PAFAH1B2: variants seen among roughly 807,000 people sequenced by gnomAD.
PAFAH1B2 encodes platelet activating factor acetylhydrolase 1b catalytic subunit 2.
In PAFAH1B2, 8 loss-of-function variants were observed where a neutral mutation model predicts 28.0. The ratio of observed to expected loss-of-function variants is 0.29; its 90% CI spans 0.17 to 0.52. The LOEUF is 0.52. PAFAH1B2 is among the 20% of genes least tolerant of loss of function. The pLI is 0.97. For missense variants in PAFAH1B2, 190 were observed against 282.6 expected, an observed-to-expected ratio of 0.67 and a Z score of 2.35; for synonymous variants, 104 against 103.2, an observed-to-expected ratio of 1.01 and a Z score of -0.05.
intron 4 of PAFAH1B2, among the ~76,000 whole-genome samples, chr11:117,161,956 T>G (rs2134200976): frequency 6.6e-6 from 1 of 152,256 alleles, no homozygotes; most frequent in South Asian, 2.1e-4. Context: ...TTTAACCATA[T>G]AAACAGGTCA....
rs1330227524 is a variant in PAFAH1B2, at chr11:117,152,427, A to G, written c.-7-14A>G. 7.2e-6 allele frequency: 11 copies of G among 1,534,214 alleles called. No individual in the cohort carries two copies. Among genetic ancestry groups the G allele is most frequent in the African/African-American group, 1.4e-5 (1 of 73,352 alleles). On this transcript the variant is annotated splice_polypyrimidine_tract_variant and intron_variant, in intron 1 of 5. Coordinates refer to ENST00000527958, the MANE Select transcript of PAFAH1B2 (RefSeq NM_002572.4). ...TGTTAACAAATGAAACATGACATAG[A>G]CGTTTTTTCTCAGGTGTAGAATGAG...
At position 117,163,853 on chromosome 11, in the gene PAFAH1B2, T is replaced by A. The variant is rs1565271098; in HGVS notation, c.372T>A (p.Leu124=). The A allele has an allele frequency of 6.2e-7, 1 of 1,614,006 alleles. No individual in the cohort carries two copies. Among genetic ancestry groups the A allele is most frequent in the East Asian group, 2.2e-5 (1 of 44,880 alleles). Residue 124 remains leucine, a synonymous_variant, in exon 5 of 6, where the codon CTT becomes CTA. Coordinates refer to ENST00000527958, the MANE Select transcript of PAFAH1B2 (RefSeq NM_002572.4). ...VAGGIEAIVQ[L]INTRQPQAKI... Reference sequence around the variant, plus strand: ...GTGGGATCGAGGCCATTGTACAACTTATCAACACAAGGCAGCCACAGGCCA... The same window carrying A: ...GTGGGATCGAGGCCATTGTACAACTAATCAACACAAGGCAGCCACAGGCCA...
At chr11:117,160,096 C>A in intron 3 of PAFAH1B2, 73 bp downstream of exon 3, 1 of 1,022,434 alleles carries the variant, frequency 9.8e-7, no homozygotes, top group Non-Finnish European at 1.6e-6. Flanking sequence ...GACTTTCATT[C>A]TGAGCTGAAC....
chr11:117,163,712 C>A, intron 4 of PAFAH1B2, 58 bp from the exon 5 acceptor site: 8 of 1,521,022 alleles, frequency 5.3e-6, no homozygotes, highest in African/African-American at 1.4e-5. Context: ...AAATGTTGGA[C>A]GTTCCTTTGT....
rs1396359657 is a variant in PAFAH1B2, at chr11:117,167,483, A to G, written c.474A>G (p.Gln158=). 5 of 1,606,858 alleles carry G rather than the reference A, an allele frequency of 3.1e-6. No homozygotes were observed. The highest frequency in any genetic ancestry group is 2.6e-6 in the Non-Finnish European group (3 of 1,175,612). The change falls in exon 6 of 6, where the codon CAA becomes CAG. Residue 158 remains glutamine (Q), a synonymous_variant. Transcript: ENST00000527958. ...PLRQKNAKVN[Q]LLKVSLPKLA... Reference sequence around the variant, plus strand: ...GGCAAAAGAACGCCAAGGTGAACCAACTCCTCAAGGTTTCGCTGCCGAAGC... The same window carrying G: ...GGCAAAAGAACGCCAAGGTGAACCAGCTCCTCAAGGTTTCGCTGCCGAAGC...
downstream of PAFAH1B2, among the ~76,000 whole-genome samples, chr11:117,173,887 C>G (rs7112577): frequency 0.07 from 10,669 of 152,276 alleles, 571 homozygotes; most frequent in African/African-American, 0.15. Flanking sequence ...TGGGACAATT[C>G]TTTCTAAGCA....
At chr11:117,171,617 C>T, downstream of PAFAH1B2, 2 of 1,093,914 alleles carry the variant, frequency 1.8e-6, no homozygotes, top group South Asian at 2.7e-5. Flanking sequence ...CCCTTACGTC[C>T]CCAGGGTAAA....
intron 2 of PAFAH1B2, among the ~76,000 whole-genome samples, chr11:117,158,878 C>T (rs778332299): frequency 1.3e-5 from 2 of 152,180 alleles, no homozygotes; most frequent in African/African-American, 2.4e-5. Flanking sequence ...CTCCCAACCT[C>T]AGGTGATCTG....
chr11:117,147,100 C>G (rs1036630803), intron 1 of PAFAH1B2, among the ~76,000 whole-genome samples: 4 of 152,062 alleles, frequency 2.6e-5, no homozygotes, highest in African/African-American at 9.7e-5. Context: ...GAAACCCCGT[C>G]TTCACTAAAA....
intron 2 of PAFAH1B2, among the ~76,000 whole-genome samples, chr11:117,152,859 T>TCAG (rs1158586443): frequency 1.3e-5 from 2 of 152,110 alleles, no homozygotes; most frequent in African/African-American, 4.8e-5. Context: ...GATCACAAGG[T>TCAG]CAGGAGTTTG....
At chr11:117,173,277 C>G (rs1477300580), downstream of PAFAH1B2, among the ~76,000 whole-genome samples, 1 of 152,138 alleles carries the variant, frequency 6.6e-6, no homozygotes, top group African/African-American at 2.4e-5. Flanking sequence ...TGGAAAGTGA[C>G]TGACCTATCT....
At chr11:117,156,111 CTGGGAGTT>C (rs1266366556) in intron 2 of PAFAH1B2, among the ~76,000 whole-genome samples, 1 of 152,154 alleles carries the variant, frequency 6.6e-6, no homozygotes, top group African/African-American at 2.4e-5. Flanking sequence ...TTGCTTGAGT[CTGGGAGTT>C]TGAGACTGTA....
chr11:117,174,540 G>A (rs577830115), downstream of PAFAH1B2, among the ~76,000 whole-genome samples: 17 of 142,828 alleles, frequency 1.2e-4, no homozygotes, highest in East Asian at 2.2e-4. Flanking sequence ...ATGCAATGGC[G>A]TGATCTCAGC....
chr11:117,159,025 C>G (rs572555162), intron 2 of PAFAH1B2, among the ~76,000 whole-genome samples: 1 of 152,316 alleles, frequency 6.6e-6, no homozygotes, highest in African/African-American at 2.4e-5. Flanking sequence ...TTCTACTTCA[C>G]AAGTGGTCCA....
rs370945346 is a variant in PAFAH1B2, at chr11:117,164,477, A to G, written c.411+585A>G. ...TTTTGGCCTCCATAATTTTTTGCAC[A>G]ATGGCACATGAGATTTGTCTGAATC... On this transcript the variant is annotated intron_variant, in intron 5 of 5. Transcript: ENST00000527958. 1.0e-3 allele frequency among the ~76,000 whole-genome samples: 159 copies of G among 151,558 alleles called. 4 individuals carry two copies. In the South Asian group the frequency reaches 0.032, roughly 30 times the overall value.
downstream of PAFAH1B2, among the ~76,000 whole-genome samples, chr11:117,174,603 G>A (rs1009894169): frequency 2.0e-5 from 3 of 151,866 alleles, no homozygotes; most frequent in African/African-American, 4.8e-5. Flanking sequence ...CTCAGCCTCC[G>A]AAGTAGCCGG....
rs1384250382 is a variant in PAFAH1B2, at chr11:117,144,360, C to G, written c.-66C>G. 1 of 420,728 alleles carries G rather than the reference C, an allele frequency of 2.4e-6. No homozygotes were observed. The allele number at this position is 420,728 out of a possible 1,614,324, so 26.1% of individuals were successfully genotyped here. On this transcript the variant is annotated 5_prime_UTR_variant, in exon 1 of 6. Transcript: ENST00000527958. Reference sequence around the variant, plus strand: ...GGGACCGACGGGACCGAGCGAGCGACCGACGCGCCACCCGCCGACGCCTCA... The same window carrying G: ...GGGACCGACGGGACCGAGCGAGCGAGCGACGCGCCACCCGCCGACGCCTCA...
Position 117,168,717 on chromosome 11 carries a change from C to T in PAFAH1B2, c.*1018C>T, listed in dbSNP as rs1362280460. 4.0e-5 allele frequency: 42 copies of T among 1,055,150 alleles called. No homozygotes were observed. The highest frequency in any genetic ancestry group is 8.5e-4 in the Middle Eastern group (2 of 2,354). The allele number at this position is 1,055,150 out of a possible 1,614,324, so 65.4% of individuals were successfully genotyped here. ...GATTCAGAACTCTTGTTTCCCATTCCATAGCACCTGACATTATTTCAAGTT... is the reference window on the plus strand; with the variant it reads ...GATTCAGAACTCTTGTTTCCCATTCTATAGCACCTGACATTATTTCAAGTT... On this transcript the variant is annotated 3_prime_UTR_variant, in exon 6 of 6. Coordinates refer to ENST00000527958, the MANE Select transcript of PAFAH1B2 (RefSeq NM_002572.4).
intron 1 of PAFAH1B2, among the ~76,000 whole-genome samples, chr11:117,152,166 G>A (rs992133446): frequency 3.3e-5 from 5 of 152,150 alleles, no homozygotes; most frequent in Admixed American, 3.3e-4. Context: ...TAGGTATAAA[G>A]TATATACTTG....
Sources: gnomAD v4.1 joint callset for allele counts (sites outside exome capture counted in the v4.1 genomes callset) on GRCh38, gnomAD v4.1.1 for gene constraint, MANE v1.5 for transcripts, NCBI Gene and HGNC (gene_info 2026-07-23, HGNC 2026-07-21) for gene names.